FANCA: variants seen among roughly 807,000 people sequenced by gnomAD.
The protein encoded by FANCA is Fanconi anemia group A protein.
Under a neutral mutation model 194.3 loss-of-function variants are expected in FANCA, and 236 were observed. The observed-to-expected ratio is 1.21, with a 90% confidence interval of 1.09 to 1.35. FANCA has a LOEUF of 1.35. Among genes scored for constraint, FANCA ranks in the 40% most tolerant of loss-of-function variants. The pLI is 0.00. For missense variants in FANCA, 2,628 were observed against 1,813.9 expected, an observed-to-expected ratio of 1.45 and a Z score of -8.15; for synonymous variants, 1,014 against 715.8, an observed-to-expected ratio of 1.42 and a Z score of -6.65.
rs2062111051 is a variant in FANCA at position 89,740,716 on chromosome 16, G to GGAAACCCTGACTT, written c.3828+75_3828+87dup. ...ACACAAGGAGCTCCTGAGCTAGTCT[G>GGAAACCCTGACTT]GAAACCCTGACTTGGAAGCTGGCTG... is the stretch of plus-strand genomic sequence containing the variant. On this transcript the variant is annotated intron_variant, in intron 38 of 42. Transcript: ENST00000389301. The GGAAACCCTGACTT allele has an allele frequency of 7.2e-6, 8 of 1,111,486 alleles. No individual in the cohort carries two copies. In the South Asian group the frequency reaches 1.0e-4, roughly 14 times the overall value. 68.9% of individuals were successfully genotyped at this position (1,111,486 alleles called of 1,614,324 possible).
chr16:89,791,108 G>C (rs1021945828), intron 14 of FANCA: 1 of 318,772 alleles, frequency 3.1e-6, no homozygotes, highest in Non-Finnish European at 5.9e-6. Flanking sequence ...TCTTATAAAA[G>C]ACAGCAGGAG....
chr16:89,771,155 C>CAAAAAAAAAAAAAAAAAAAAAAAAAAAA (rs34471552), intron 23 of FANCA, among the ~76,000 whole-genome samples: 5 of 56,638 alleles, frequency 8.8e-5, no homozygotes, highest in African/African-American at 3.6e-4. Flanking sequence ...AAGACTCAGT[C>CAAAAAAAAAAAAAAAAAAAAAAAAAAAA]AAAAAAAAAA....
intron 25 of FANCA, 25 bp from the exon 26 acceptor site, chr16:89,770,049 A>G (rs1330649996): frequency 6.2e-7 from 1 of 1,609,470 alleles, no homozygotes; most frequent in Non-Finnish European, 8.5e-7. Flanking sequence ...AGGGTGGCAG[A>G]GCAGACTGCC....
In FANCA at chr16:89,767,195, A is replaced by G; in HGVS notation, c.2547T>C (p.Ser849=). ...TGCACAAAGTATCTCGTGACTGGGA[A>G]GAAAACTTGCAGAGAGAGTAAGAAA... The part of the protein sequence containing the change: ...AAISYSLCKF[S]SQSRDTLCSC... Residue 849 remains serine, a synonymous_variant, in exon 27 of 43, where the codon TCT becomes TCC. Transcript: ENST00000389301. The G allele has an allele frequency of 1.9e-6, 3 of 1,614,034 alleles. No individual in the cohort carries two copies. The highest frequency in any genetic ancestry group is 2.2e-5 in the East Asian group (1 of 44,890).
In FANCA at chr16:89,796,397, G is replaced by A. The variant is rs571699347; in HGVS notation, c.894-379C>T. Among the ~76,000 whole-genome samples the A allele has an allele frequency of 3.2e-3, 491 of 152,260 alleles. 6 individuals are homozygous for A. Among genetic ancestry groups the A allele is most frequent in the African/African-American group, 0.011 (454 of 41,546 alleles). ...GCCTCAGCGGCACCCTCTGTGACAC[G>A]GAACTCCCCCAGAGGGTCGTGCCAA... is the stretch of plus-strand genomic sequence containing the variant. On this transcript the variant is annotated intron_variant, in intron 10 of 42. Transcript: ENST00000389301.
intron 17 of FANCA, among the ~76,000 whole-genome samples, chr16:89,781,866 T>C (rs1450745163): frequency 1.4e-5 from 2 of 139,236 alleles, no homozygotes; most frequent in African/African-American, 5.5e-5. Context: ...CCAGGCGTGG[T>C]GGCAGGCATC....
In FANCA at chr16:89,799,187, G is replaced by C. The variant is rs200820064; in HGVS notation, c.872C>G (p.Thr291Ser). The C allele has an allele frequency of 7.4e-6, 12 of 1,614,168 alleles. No homozygotes were observed. Among genetic ancestry groups the C allele is most frequent in the East Asian group, 2.2e-5 (1 of 44,882 alleles). ...LAAGVQEESSTHKIVRCWFGV... is the reference protein window; with the variant it reads ...LAAGVQEESSSHKIVRCWFGV... The stretch of plus-strand genomic sequence containing the variant: ...ATACCAGCACCTCACGATCTTGTGA[G>C]TGGAGGACTCCTCCTGTACTCCAGC... The change falls in exon 10 of 43, where the codon ACT (threonine) becomes AGT (serine). Residue 291 changes from threonine (T) to serine (S), a missense_variant. Coordinates refer to ENST00000389301, the MANE Select transcript of FANCA (RefSeq NM_000135.4).
intron 12 of FANCA, 71 bp downstream of exon 12, chr16:89,792,400 G>T: frequency 1.3e-6 from 2 of 1,490,532 alleles, no homozygotes; most frequent in South Asian, 1.1e-5. Flanking sequence ...CAGGCAGCAT[G>T]ACAAGTACTA....
chr16:89,794,107 G>T (rs1416035139), intron 11 of FANCA, among the ~76,000 whole-genome samples: 1 of 151,832 alleles, frequency 6.6e-6, no homozygotes, highest in Non-Finnish European at 1.5e-5. Flanking sequence ...TACTTTTTCA[G>T]TTATTAAAGT....
chr16:89,754,750 A>C (rs1408633848), intron 30 of FANCA, among the ~76,000 whole-genome samples: 1 of 152,192 alleles, frequency 6.6e-6, no homozygotes, highest in Non-Finnish European at 1.5e-5. Flanking sequence ...GAGCCAATGA[A>C]TATACAAGAA....
chr16:89,799,029 C>A, intron 10 of FANCA, 137 bp downstream of exon 10: 7 of 1,614,250 alleles, frequency 4.3e-6, no homozygotes, highest in Non-Finnish European at 5.9e-6. Context: ...TCCTCACGCA[C>A]GTTATCGTAA....
At chr16:89,814,446 A>T (rs1367328251) in intron 3 of FANCA, 74 bp downstream of exon 3, 2 of 1,181,636 alleles carry the variant, frequency 1.7e-6, no homozygotes, top group Admixed American at 1.9e-5. Context: ...ATTTCTACTT[A>T]ATTTAGCAAA....
At chr16:89,789,307 G>C (rs902095482) in intron 14 of FANCA, among the ~76,000 whole-genome samples, 2 of 89,052 alleles carry the variant, frequency 2.2e-5, no homozygotes, top group Non-Finnish European at 4.0e-5. Flanking sequence ...CAGAAGGCCT[G>C]GGGGGGGAGC....
intron 20 of FANCA, among the ~76,000 whole-genome samples, 195 bp from the exon 21 acceptor site, chr16:89,776,010 T>A (rs1250210851): frequency 6.6e-6 from 1 of 151,710 alleles, no homozygotes; most frequent in South Asian, 2.1e-4. Context: ...TTTCAAAATA[T>A]ATCATATTAA....
chr16:89,743,461 T>G (rs1168798634), intron 36 of FANCA, among the ~76,000 whole-genome samples: 2 of 152,208 alleles, frequency 1.3e-5, no homozygotes, highest in Non-Finnish European at 2.9e-5. Flanking sequence ...TCATAGCACT[T>G]CAGGAGGATC....
intron 31 of FANCA, among the ~76,000 whole-genome samples, 164 bp from the exon 32 acceptor site, chr16:89,750,066 AT>A (rs2143142094): frequency 6.6e-6 from 1 of 152,368 alleles, no homozygotes; most frequent in East Asian, 1.9e-4. Context: ...GAAATTGCAA[AT>A]ATAGAACAGT....
intron 22 of FANCA, among the ~76,000 whole-genome samples, 174 bp from the exon 23 acceptor site, chr16:89,771,988 C>T (rs2039342782): frequency 6.6e-6 from 1 of 152,232 alleles, no homozygotes; most frequent in Non-Finnish European, 1.5e-5. Flanking sequence ...GATTTGCAGC[C>T]TTGTGGTGCA....
At chr16:89,809,827 T>C (rs1401586741) in intron 5 of FANCA, among the ~76,000 whole-genome samples, 1 of 149,182 alleles carries the variant, frequency 6.7e-6, no homozygotes, top group African/African-American at 2.5e-5. Flanking sequence ...CACTCCAGCC[T>C]GGGCAACAAG....
chr16:89,764,495 G>A (rs2039057672), intron 28 of FANCA, among the ~76,000 whole-genome samples: 1 of 152,068 alleles, frequency 6.6e-6, no homozygotes, highest in African/African-American at 2.4e-5. Flanking sequence ...TTGTAGAGAT[G>A]GGGTTTCACT....
Sources: gnomAD v4.1 joint callset for allele counts (sites outside exome capture counted in the v4.1 genomes callset) on GRCh38, gnomAD v4.1.1 for gene constraint, MANE v1.5 for transcripts, NCBI Gene and HGNC (gene_info 2026-07-23, HGNC 2026-07-21) for gene names.